Variants in EYS observed in about 807,000 individuals in gnomAD.
The protein encoded by EYS is protein eyes shut homolog.
Under a neutral mutation model 282.1 loss-of-function variants are expected in EYS, and 250 were observed. The observed-to-expected ratio is 0.89, with a 90% CI of 0.80 to 0.98. The LOEUF is 0.98. EYS is among the 50% of genes least tolerant of loss of function. The pLI is 0.00. For missense variants in EYS, 4,016 were observed against 3,709.0 expected (o/e 1.08, Z -2.15); for synonymous variants, 1,355 against 1,282.9 (o/e 1.06, Z -1.20).
chr6:64,730,728 G>A (rs988737166), intron 22 of EYS: 3 of 152,064 alleles, frequency 2.0e-5, no homozygotes, highest in South Asian at 2.1e-4. Context: ...AGCCTGCCTC[G>A]GCCTCCCAAA....
chr6:64,408,634 A>T (rs1773795810), intron 28 of EYS, among the ~76,000 whole-genome samples: 1 of 152,194 alleles, frequency 6.6e-6, no homozygotes, highest in South Asian at 2.1e-4. Flanking sequence ...GTGAGAAAAA[A>T]TACAATATAG....
Position 63,882,624 on chromosome 6 carries a change from T to C in EYS, c.7056-18266A>G, listed in dbSNP as rs111759633. ...GCAATCTAGATGGTGAGACAAGAAT[T>C]AAGTAACTAAATAGAAAATGACACA... On this transcript the variant is annotated intron_variant, in intron 35 of 42. Transcript: ENST00000503581. 5.0e-3 allele frequency among the ~76,000 whole-genome samples: 759 copies of C among 152,302 alleles called. 11 individuals are homozygous for C. Among genetic ancestry groups the C allele is most frequent in the Middle Eastern group, 0.024 (7 of 294 alleles).
At chr6:64,310,975 G>T (rs6935740) in intron 29 of EYS, among the ~76,000 whole-genome samples, 88,527 of 151,758 alleles carry the variant, frequency 0.58, 26,866 homozygotes, top group Non-Finnish European at 0.67. Context: ...TTATTTCAAA[G>T]GTTCTTGTTT....
In EYS at chr6:64,408,016, G is replaced by T. The variant is rs114734736; in HGVS notation, c.5928-19176C>A. On this transcript the variant is annotated intron_variant, in intron 28 of 42. Coordinates refer to ENST00000503581, the MANE Select transcript of EYS (RefSeq NM_001142800.2). ...TGCTGGGATTACACGCATGAGCCAC[G>T]GCGTCCAGCCGCACACATTATTTTT... Among the ~76,000 whole-genome samples the T allele has an allele frequency of 4.0e-3, 609 of 152,050 alleles. 2 individuals carry two copies. The highest frequency in any genetic ancestry group is 0.014 in the African/African-American group (577 of 41,484).
chr6:64,640,729 AT>A (rs1377246654), intron 22 of EYS, among the ~76,000 whole-genome samples: 6 of 152,228 alleles, frequency 3.9e-5, no homozygotes, highest in African/African-American at 7.2e-5. Context: ...TAATAAAAAA[AT>A]AAAAAGATTA....
In EYS at chr6:64,257,683, A is replaced by C. The variant is rs137859376; in HGVS notation, c.6192-26859T>G. On this transcript the variant is annotated intron_variant, in intron 30 of 42. Transcript: ENST00000503581. ...ATACTATGTCCTTTCCCCAACACCA[A>C]ATCAAGAAGTGACATGTAATTTAAC... Among the ~76,000 whole-genome samples the C allele has an allele frequency of 6.2e-3, 942 of 152,036 alleles. 8 individuals are homozygous for C. Among genetic ancestry groups the C allele is most frequent in the African/African-American group, 0.022 (901 of 41,492 alleles).
intron 22 of EYS, among the ~76,000 whole-genome samples, chr6:64,706,683 A>G (rs923823614): frequency 6.6e-6 from 1 of 152,236 alleles, no homozygotes; most frequent in Admixed American, 6.5e-5. Flanking sequence ...TAAAGAAGAT[A>G]TACAAATGGC....
chr6:63,979,157 T>G (rs1029105321), intron 35 of EYS, among the ~76,000 whole-genome samples: 2 of 151,972 alleles, frequency 1.3e-5, no homozygotes, highest in Non-Finnish European at 2.9e-5. Flanking sequence ...TGCCAAATCC[T>G]GCCAGCCACC....
At position 64,803,617 on chromosome 6, in the gene EYS, G is replaced by A. The variant is rs565503729; in HGVS notation, c.3443+9761C>T. 3.3e-4 allele frequency among the ~76,000 whole-genome samples: 51 copies of A among 152,290 alleles called. 2 individuals carry two copies. Among genetic ancestry groups the A allele is most frequent in the African/African-American group, 1.2e-3 (49 of 41,580 alleles). On this transcript the variant is annotated intron_variant, in intron 22 of 42. Coordinates refer to ENST00000503581, the MANE Select transcript of EYS (RefSeq NM_001142800.2). ...CATCATCAATCATGTTGTCCAAGGC[G>A]CTCAGGCTGTTCTTGTGGAGGGGCG...
chr6:65,250,888 GCTAGTC>G (rs1316735963), intron 12 of EYS, among the ~76,000 whole-genome samples: 1 of 151,510 alleles, frequency 6.6e-6, no homozygotes, highest in Non-Finnish European at 1.5e-5. Flanking sequence ...CTACAATAAT[GCTAGTC>G]CTCATACCTT....
At chr6:64,787,215 A>T (rs1332983457) in intron 22 of EYS, among the ~76,000 whole-genome samples, 1 of 152,148 alleles carries the variant, frequency 6.6e-6, no homozygotes, top group African/African-American at 2.4e-5. Context: ...CAGCTAGGCA[A>T]TGAGAGGTCT....
At chr6:65,520,758 G>T (rs1767335068) in intron 2 of EYS, among the ~76,000 whole-genome samples, 1 of 151,858 alleles carries the variant, frequency 6.6e-6, no homozygotes, top group Non-Finnish European at 1.5e-5. Flanking sequence ...TATTTACAGG[G>T]TCTCTAAGCA....
At chr6:64,633,420 A>G (rs1276622189) in intron 22 of EYS, among the ~76,000 whole-genome samples, 1 of 152,002 alleles carries the variant, frequency 6.6e-6, no homozygotes, top group Non-Finnish European at 1.5e-5. Flanking sequence ...ATTTGAAATG[A>G]TCCATATGCA....
Position 64,092,492 on chromosome 6 carries a change from CTGA to C in EYS, c.6425-10493_6425-10491del, listed in dbSNP as rs1349940664. Among the ~76,000 whole-genome samples, 21 of 152,198 alleles carry C rather than the reference CTGA, an allele frequency of 1.4e-4. No homozygotes were observed. In the South Asian group the frequency reaches 4.4e-3, roughly 32 times the overall value. On this transcript the variant is annotated intron_variant, in intron 31 of 42. Coordinates refer to ENST00000503581, the MANE Select transcript of EYS (RefSeq NM_001142800.2). ...CATTGTGGTTTTGATTTGCATTTCT[CTGA>C]TGGCCAGTGATGATGAGCATTTTTT...
chr6:65,264,847 T>C (rs1360145253), intron 12 of EYS, among the ~76,000 whole-genome samples: 2 of 151,814 alleles, frequency 1.3e-5, no homozygotes, highest in South Asian at 2.1e-4. Context: ...ATATTTGGAA[T>C]GATTTTTACT....
rs141076512 is a variant in EYS, at chr6:63,922,829, ACT to A, written c.7056-58473_7056-58472del. 1.7e-3 allele frequency among the ~76,000 whole-genome samples: 258 copies of A among 152,256 alleles called. 3 individuals are homozygous for A. In the East Asian group the frequency reaches 0.042, roughly 25 times the overall value. On this transcript the variant is annotated intron_variant, in intron 35 of 42. Transcript: ENST00000503581. ...TAACATGATTCATTTTAGAACACTA[ACT>A]CTGATATCTAATCCAAAAAGCAGGG...
chr6:64,722,530 C>A (rs569994956), intron 22 of EYS, among the ~76,000 whole-genome samples: 163 of 146,918 alleles, frequency 1.1e-3, no homozygotes, highest in East Asian at 4.1e-3. Context: ...AAAAAAAAAA[C>A]CAGAAACTAA....
At chr6:65,028,763 A>C (rs1417968327) in intron 13 of EYS, among the ~76,000 whole-genome samples, 1 of 152,080 alleles carries the variant, frequency 6.6e-6, no homozygotes, top group Non-Finnish European at 1.5e-5. Context: ...CCTTGGACTT[A>C]ATGAATAATT....
At chr6:64,066,595 G>C in intron 32 of EYS, 104 bp from the exon 33 acceptor site, 3 of 780,514 alleles carry the variant, frequency 3.8e-6, no homozygotes, top group East Asian at 5.4e-5. Flanking sequence ...TGATTTAGGG[G>C]GTTGGTAGGA....
Sources: gnomAD v4.1 joint callset for allele counts (sites outside exome capture counted in the v4.1 genomes callset) on GRCh38, gnomAD v4.1.1 for gene constraint, MANE v1.5 for transcripts, NCBI Gene and HGNC (gene_info 2026-07-23, HGNC 2026-07-21) for gene names.